Variants in PLXNB2 observed in about 807,000 individuals in gnomAD.
The protein encoded by PLXNB2 is plexin-B2.
Under a neutral mutation model 202.6 loss-of-function variants are expected in PLXNB2, and 85 were observed. The ratio of observed to expected loss-of-function variants is 0.42; its 90% confidence interval spans 0.35 to 0.50. PLXNB2 has a LOEUF of 0.50. Ranked by LOEUF, PLXNB2 falls within the 20% of genes least tolerant of loss-of-function variation. The probability of loss-of-function intolerance (pLI) is 0.02; values close to 1 mark genes in which losing one functional copy is unlikely to be tolerated. For synonymous variants in PLXNB2, 1,239 were observed against 1,137.6 expected, an observed-to-expected ratio of 1.09 and a Z score of -1.79; for missense variants, 2,063 against 2,586.2, an observed-to-expected ratio of 0.80 and a Z score of 4.39.
At position 50,302,621 on chromosome 22, in the gene PLXNB2, C is replaced by A. The variant is rs182090461; in HGVS notation, c.-74+4932G>T. Among the ~76,000 whole-genome samples, 11 of 152,298 alleles carry A rather than the reference C, an allele frequency of 7.2e-5. No homozygotes were observed. The East Asian group carries it at 2.1e-3, about 29-fold the overall frequency. On this transcript the variant is annotated intron_variant, in intron 1 of 36. Transcript: ENST00000359337. ...AACATCCTTTTCTCCTGAAGTCCCT[C>A]AGGGTGGTCACCAGATCAGGCTCGG...
At position 50,282,900 on chromosome 22, in the gene PLXNB2, T is replaced by G; in HGVS notation, c.2817-19A>C. ...CTTCGTCCTGGGGGAGGGAGGGTGCTGGTCTGCATCAACCCCTCCCCCGGG... is the reference window on the plus strand; with the variant it reads ...CTTCGTCCTGGGGGAGGGAGGGTGCGGGTCTGCATCAACCCCTCCCCCGGG... On this transcript the variant is annotated intron_variant, in intron 17 of 36. Transcript: ENST00000359337. The G allele has an allele frequency of 6.3e-7, 1 of 1,596,910 alleles. No homozygotes were observed. Among genetic ancestry groups the G allele is most frequent in the Non-Finnish European group, 8.5e-7 (1 of 1,169,710 alleles).
At chr22:50,292,273 G>A (rs2066924526) in intron 2 of PLXNB2, among the ~76,000 whole-genome samples, 1 of 149,990 alleles carries the variant, frequency 6.7e-6, no homozygotes, top group African/African-American at 2.5e-5. Context: ...GGGAGGCGGA[G>A]GTTGCAGCGA....
rs778440438 is a variant in PLXNB2 at position 50,284,093 on chromosome 22, C to T, written c.2263+39G>A. On this transcript the variant is annotated intron_variant, in intron 13 of 36. Transcript: ENST00000359337. This position sits in a 1 kb window ranked among gnomAD's most constrained non-coding sequence, Gnocchi z 8.0. ...CCCCACCCACCGCCTTGTGCCCACC[C>T]GTCCCCTGCCCGCCCCCCACTGCGC... The T allele has an allele frequency of 7.6e-6, 12 of 1,583,366 alleles. No individual in the cohort carries two copies. The highest frequency in any genetic ancestry group is 3.4e-5 in the South Asian group (3 of 88,858).
rs760352369 is a variant in PLXNB2 at position 50,284,913 on chromosome 22, C to A, written c.2089-248G>T. The A allele has an allele frequency of 1.7e-5, 11 of 635,326 alleles. No homozygotes were observed. Among genetic ancestry groups the A allele is most frequent in the Non-Finnish European group, 3.3e-5 (11 of 332,764 alleles). The allele number at this position is 635,326 out of a possible 1,614,324, so 39.4% of individuals were successfully genotyped here. On this transcript the variant is annotated intron_variant, in intron 11 of 36. Coordinates refer to ENST00000359337, the MANE Select transcript of PLXNB2 (RefSeq NM_012401.4). The surrounding 1 kb of genome is among the most constrained non-coding windows in gnomAD (Gnocchi z 8.0). ...CGGCCACCTCCACCACTCATCCACA[C>A]CTGAGAACATCGCCCGGCCCACCTG...
At position 50,281,133 on chromosome 22, in the gene PLXNB2, C is replaced by G. The variant is rs766000331; in HGVS notation, c.3719G>C (p.Gly1240Ala). The G allele has an allele frequency of 6.2e-7, 1 of 1,613,244 alleles. No individual in the cohort carries two copies. Among genetic ancestry groups the G allele is most frequent in the Non-Finnish European group, 8.5e-7 (1 of 1,179,930 alleles). ...EYEKIKSQLEGLEESVRDRCK... is the reference protein window; with the variant it reads ...EYEKIKSQLEALEESVRDRCK... ...GCGGTCCCGCACGCTCTCCTCCAGG[C>G]CCTCCAGCTGGGACTTGATCTTCTC... is the stretch of plus-strand genomic sequence containing the variant. The change falls in exon 23 of 37, where the codon GGC (glycine) becomes GCC (alanine). Residue 1240 changes from glycine to alanine, a missense_variant. Coordinates refer to ENST00000359337, the MANE Select transcript of PLXNB2 (RefSeq NM_012401.4).
chr22:50,284,217 G>A lies in PLXNB2; in HGVS notation c.2182-4C>T, dbSNP rs200806827. 9,013 of 1,612,624 alleles carry A rather than the reference G, an allele frequency of 5.6e-3. 51 individuals are homozygous for A. The highest frequency in any genetic ancestry group is 6.3e-3 in the Non-Finnish European group (7,392 of 1,179,588). ...TCTCGTTGGCATCGTGGGACAGCTG[G>A]GGGACACGCAGGGGCACACTGCACT... On this transcript the variant is annotated splice_polypyrimidine_tract_variant and splice_region_variant and intron_variant, in intron 12 of 36. Coordinates refer to ENST00000359337, the MANE Select transcript of PLXNB2 (RefSeq NM_012401.4). This position sits in a 1 kb window ranked among gnomAD's most constrained non-coding sequence, Gnocchi z 8.0.
At chr22:50,295,888 G>T (rs2067223649) in intron 1 of PLXNB2, among the ~76,000 whole-genome samples, 1 of 152,084 alleles carries the variant, frequency 6.6e-6, no homozygotes, top group Non-Finnish European at 1.5e-5. Context: ...CGGATCACGA[G>T]GTCAGGAGTT....
intron 1 of PLXNB2, among the ~76,000 whole-genome samples, chr22:50,305,957 G>A (rs1398555061): frequency 6.6e-6 from 1 of 152,092 alleles, no homozygotes; most frequent in Non-Finnish European, 1.5e-5. Flanking sequence ...TCTTCTCCCC[G>A]CCCAGTCTGG....
At chr22:50,281,310 C>T (rs767108631) in intron 22 of PLXNB2, 50 bp downstream of exon 22, 17 of 1,600,682 alleles carry the variant, frequency 1.1e-5, no homozygotes, top group Middle Eastern at 1.7e-4. Flanking sequence ...GGGGCCGAGG[C>T]GGGAGGGCCG....
intron 1 of PLXNB2, chr22:50,300,341 G>T: frequency 2.0e-6 from 2 of 985,224 alleles, no homozygotes; most frequent in Non-Finnish European, 2.4e-6. Context: ...CGTGGAAGGG[G>T]CGCGGGGAGC....
At position 50,285,826 on chromosome 22, in the gene PLXNB2, G is replaced by C. The variant is rs758286991; in HGVS notation, c.2062C>G (p.Gln688Glu). The C allele has an allele frequency of 1.2e-6, 2 of 1,612,794 alleles. No individual in the cohort carries two copies. Among genetic ancestry groups the C allele is most frequent in the Non-Finnish European group, 1.7e-6 (2 of 1,179,712 alleles). The part of the protein sequence containing the change: ...PMNHETDVNF[Q>E]GKNLDTVKGS... ...TTCACGGTGTCCAGGTTCTTGCCCT[G>C]GAAGTTCACATCTGTCTCGTGGTTC... Residue 688 changes from glutamine (Q) to glutamate (E), a missense_variant, in exon 11 of 37, where the codon CAG becomes GAG. Gln to Glu is a conservative substitution (Grantham distance 29). Coordinates refer to ENST00000359337, the MANE Select transcript of PLXNB2 (RefSeq NM_012401.4).
Position 50,275,715 on chromosome 22 carries a change from T to C in PLXNB2, c.5506A>G (p.Thr1836Ala), listed in dbSNP as rs991382066. 2 of 1,603,728 alleles carry C rather than the reference T, an allele frequency of 1.2e-6. No individual in the cohort carries two copies. Among genetic ancestry groups the C allele is most frequent in the Non-Finnish European group, 1.7e-6 (2 of 1,173,726 alleles). Residue 1836 changes from threonine to alanine, a missense_variant, in exon 37 of 37, where the codon ACT becomes GCT. Transcript: ENST00000359337. Reference sequence around the variant, plus strand: ...CTGGAGATTGTAGGTCAGAGGTCAGTGACCTTGTTCTCCAGTGCAGCGGCA... The same window carrying C: ...CTGGAGATTGTAGGTCAGAGGTCAGCGACCTTGTTCTCCAGTGCAGCGGCA... Reference protein sequence around the residue: ...QIAAALENKVTDL With the variant: ...QIAAALENKVADL
chr22:50,277,789 T>C, intron 32 of PLXNB2, 51 bp from the exon 33 acceptor site: 1 of 1,600,110 alleles, frequency 6.2e-7, no homozygotes, highest in Non-Finnish European at 8.5e-7. Context: ...GCGGGGTGGG[T>C]GTGGAGCCTC....
chr22:50,285,571 A>AC lies in PLXNB2; in HGVS notation c.2088+228dup, dbSNP rs202142116. Reference sequence around the variant, plus strand: ...CCCTCCGCACCTGAGCCTGCCTGTCACAGCCGGCACCCCTCCCTCCGCACC... The same window carrying AC: ...CCCTCCGCACCTGAGCCTGCCTGTCACCAGCCGGCACCCCTCCCTCCGCACC... On this transcript the variant is annotated intron_variant, in intron 11 of 36. Coordinates refer to ENST00000359337, the MANE Select transcript of PLXNB2 (RefSeq NM_012401.4). Among the ~76,000 whole-genome samples the AC allele has an allele frequency of 6.2e-4, 2 of 3,224 alleles. 1 individual carries two copies. Among genetic ancestry groups the AC allele is most frequent in the African/African-American group, 3.6e-3 (2 of 550 alleles). The allele number at this position is 3,224 out of a possible 152,430, so 2.1% of individuals were successfully genotyped here. A position where few individuals can be genotyped will look rare whatever the true frequency, so the allele number is the denominator to read the frequency against.
In PLXNB2 at chr22:50,279,934, G is replaced by A. The variant is rs1601684442; in HGVS notation, c.4242+71C>T. On this transcript the variant is annotated intron_variant, in intron 26 of 36. Coordinates refer to ENST00000359337, the MANE Select transcript of PLXNB2 (RefSeq NM_012401.4). Reference sequence around the variant, plus strand: ...CCACCTCAAGGTGCCGTACAGATAGGGGAACGCAGGAGGGGATGGCAGCAG... The same window carrying A: ...CCACCTCAAGGTGCCGTACAGATAGAGGAACGCAGGAGGGGATGGCAGCAG... 6.0e-5 allele frequency: 86 copies of A among 1,422,608 alleles called. No homozygotes were observed. In the South Asian group the frequency reaches 1.0e-3, roughly 17 times the overall value. The allele number at this position is 1,422,608 out of a possible 1,614,324, so 88.1% of individuals were successfully genotyped here. A position where few individuals can be genotyped will look rare whatever the true frequency, so the allele number is the denominator to read the frequency against.
chr22:50,280,147 G>C, intron 25 of PLXNB2, 76 bp from the exon 26 acceptor site: 1 of 1,246,146 alleles, frequency 8.0e-7, no homozygotes. Context: ...CCAAGCACCC[G>C]GCCACCCTTG....
At position 50,281,166 on chromosome 22, in the gene PLXNB2, C is replaced by T; in HGVS notation, c.3686G>A (p.Arg1229Gln). ...CTGGGACTTGATCTTCTCATACTCT[C>T]GTTCGGCCTGCTGGCTCTTCCTCCT... The part of the protein sequence containing the change: ...CYWRKSQQAE[R>Q]EYEKIKSQLE... The change falls in exon 23 of 37, where the codon CGA becomes CAA. Residue 1229 changes from arginine (R) to glutamine (Q), a missense_variant. Around this residue, in one of 2 missense-constraint regions of PLXNB2, gnomAD observed 760 missense variants for 1,109.4 expected, o/e 0.69. Transcript: ENST00000359337. The T allele has an allele frequency of 3.1e-6, 5 of 1,612,984 alleles. No homozygotes were observed. Among genetic ancestry groups the T allele is most frequent in the Non-Finnish European group, 2.5e-6 (3 of 1,179,862 alleles).
Position 50,281,857 on chromosome 22 carries a change from G to T in PLXNB2, c.3342C>A (p.Ala1114=), listed in dbSNP as rs1466314065. The T allele has an allele frequency of 6.2e-7, 1 of 1,611,654 alleles. No individual in the cohort carries two copies. Among genetic ancestry groups the T allele is most frequent in the Non-Finnish European group, 8.5e-7 (1 of 1,179,372 alleles). The stretch of plus-strand genomic sequence containing the variant: ...CCCGGGGCTGCACCGTCCTCACCCG[G>T]GCGTGGATGAGCTTGTTGACCTGCT... The part of the protein sequence containing the change: ...VKKQVNKLIH[A]RGTNLNKAMT... The change falls in exon 20 of 37, where the codon GCC becomes GCA. Residue 1114 remains alanine, a synonymous_variant. Transcript: ENST00000359337.
At position 50,286,095 on chromosome 22, in the gene PLXNB2, G is replaced by A. The variant is rs769237644; in HGVS notation, c.1881C>T (p.Cys627=). 1 of 1,611,588 alleles carries A rather than the reference G, an allele frequency of 6.2e-7. No individual in the cohort carries two copies. The highest frequency in any genetic ancestry group is 8.5e-7 in the Non-Finnish European group (1 of 1,179,246). The change falls in exon 10 of 37, where the codon TGC becomes TGT. Residue 627 remains cysteine, a synonymous_variant. Transcript: ENST00000359337. ...QAMSLEENLP[C]ISCVSNRWTC... The stretch of plus-strand genomic sequence containing the variant: ...TCCAGCGGTTGCTCACGCAGGAGAT[G>A]CACCTGCATCCAGAGGGGATCGTGA...
Sources: allele counts gnomAD v4.1 joint callset (sites outside exome capture counted in the v4.1 genomes callset), GRCh38; gene constraint gnomAD v4.1.1; regional missense constraint gnomAD v4.1.1; non-coding constraint Gnocchi (gnomAD v3.1); transcripts MANE v1.5; gene names NCBI Gene and HGNC (gene_info 2026-07-23, HGNC 2026-07-21).